The following UPF3B variants were observed in gnomAD, a reference collection of about 807,000 sequenced individuals.
UPF3B encodes UPF3B regulator of nonsense mediated mRNA decay, also known as regulator of nonsense transcripts 3B.
In UPF3B, 7 loss-of-function variants were observed where a neutral mutation model predicts 40.3. The observed-to-expected ratio is 0.17, with a 90% CI of 0.10 to 0.33. UPF3B has a LOEUF of 0.33. Among genes scored for constraint, UPF3B ranks in the 10% least tolerant of loss-of-function variants. The pLI, the probability that UPF3B is intolerant of heterozygous loss-of-function variation, is 1.00. For missense variants in UPF3B, 229 were observed against 358.9 expected (o/e 0.64, Z 2.93); for synonymous variants, 117 against 117.3 (o/e 1.00, Z 0.01).
chrX:119,840,088 T>A (rs933522532), intron 8 of UPF3B, among the ~76,000 whole-genome samples: 4 of 111,678 alleles, frequency 3.6e-5, no homozygotes, highest in African/African-American at 6.5e-5. Flanking sequence ...TCTGTGAGAT[T>A]TTCTTTGACT....
At chrX:119,839,479 AT>A (rs2056137755) in intron 8 of UPF3B, among the ~76,000 whole-genome samples, 1 of 112,587 alleles carries the variant, frequency 8.9e-6, no homozygotes, top group South Asian at 3.6e-4. Context: ...CAAAAATGCC[AT>A]TGTTTTTTAC....
intron 3 of UPF3B, among the ~76,000 whole-genome samples, chrX:119,828,644 C>T (rs971135595): frequency 9.4e-6 from 1 of 106,663 alleles, no homozygotes; most frequent in Non-Finnish European, 1.9e-5. Context: ...TGCACTCCAG[C>T]TTGGGTGACA....
chrX:119,831,805 C>T, downstream of UPF3B: 3 of 534,989 alleles, frequency 5.6e-6, no homozygotes, highest in Non-Finnish European at 6.8e-6. Flanking sequence ...TGCTACTAAG[C>T]TTTTACATGG....
intron 4 of UPF3B, 29 bp from the exon 5 acceptor site, chrX:119,843,330 T>C (rs768469344): frequency 8.6e-5 from 82 of 953,604 alleles, no homozygotes; most frequent in Non-Finnish European, 1.0e-4. Flanking sequence ...AAACAGAAAA[T>C]ATAATAGACT....
intron 4 of UPF3B, among the ~76,000 whole-genome samples, chrX:119,816,993 G>A (rs1157847287): frequency 9.0e-6 from 1 of 110,817 alleles, no homozygotes; most frequent in East Asian, 2.8e-4. Context: ...AATATGTGAC[G>A]TAGTCTCGCT....
rs1216488077 is a variant in UPF3B at position 119,842,106 on chromosome X, G to A, written c.581-328C>T. On this transcript the variant is annotated intron_variant, in intron 5 of 10. Coordinates refer to ENST00000276201, the MANE Select transcript of UPF3B (RefSeq NM_080632.3). Reference sequence around the variant, plus strand: ...TAAACTTGTTCAACTGGAAGAAGTTGGGGGGAAGGGGCTAAAAATATCTAA... The same window carrying A: ...TAAACTTGTTCAACTGGAAGAAGTTAGGGGGAAGGGGCTAAAAATATCTAA... Among the ~76,000 whole-genome samples the A allele has an allele frequency of 4.5e-5, 5 of 111,748 alleles. 1 individual carries two copies. Among genetic ancestry groups the A allele is most frequent in the African/African-American group, 1.3e-4 (4 of 30,748 alleles).
intron 4 of UPF3B, among the ~76,000 whole-genome samples, chrX:119,818,258 C>A (rs1210347624): frequency 9.1e-6 from 1 of 109,652 alleles, no homozygotes; most frequent in South Asian, 3.9e-4. Context: ...GAATGAGACT[C>A]CGTCTTAAAA....
At chrX:119,836,951 G>T (rs1268880651) in intron 10 of UPF3B, among the ~76,000 whole-genome samples, 6 of 87,354 alleles carry the variant, frequency 6.9e-5, no homozygotes, top group African/African-American at 2.5e-4. Flanking sequence ...CGCCCGGCCA[G>T]TTTTTTTTTT....
rs749335472 is a variant in UPF3B, at chrX:119,848,217, G to A, written c.371-2921C>T. Reference sequence around the variant, plus strand: ...GAATTGCTTGAACCCAGGAAGCGGAGGTTGCAGTGAGCTGAGATCGCGCCA... The same window carrying A: ...GAATTGCTTGAACCCAGGAAGCGGAAGTTGCAGTGAGCTGAGATCGCGCCA... On this transcript the variant is annotated intron_variant, in intron 3 of 10. Transcript: ENST00000276201. Among the ~76,000 whole-genome samples the A allele has an allele frequency of 4.9e-5, 5 of 102,513 alleles. No homozygotes were observed. The Admixed American group carries it at 5.3e-4, about 11-fold the overall frequency. The allele number at this position is 102,513 out of a possible 115,157, so 89.0% of individuals were successfully genotyped here. A position where few individuals can be genotyped will look rare whatever the true frequency, so the allele number is the denominator to read the frequency against.
intron 8 of UPF3B, 72 bp from the exon 9 acceptor site, chrX:119,838,599 A>G: frequency 9.4e-7 from 1 of 1,065,002 alleles, no homozygotes; most frequent in Non-Finnish European, 1.3e-6. Flanking sequence ...CCAGTATACC[A>G]AATATTTAAA....
rs1311640312 is a variant in UPF3B, at chrX:119,834,907, T to G, written c.1423A>C (p.Ser475Arg). The G allele has an allele frequency of 1.7e-6, 2 of 1,210,179 alleles. No individual in the cohort carries two copies. Among genetic ancestry groups the G allele is most frequent in the African/African-American group, 3.5e-5 (2 of 57,304 alleles). ...TCCTCTCCTCCTTCTTTTCTATGGCTAATACCACTTTCCTGCTTCCTTTCT... is the reference window on the plus strand; with the variant it reads ...TCCTCTCCTCCTTCTTTTCTATGGCGAATACCACTTTCCTGCTTCCTTTCT... ...AAERKQESGI[S>R]HRKEGGEE The change falls in exon 11 of 11, where the codon AGC (serine) becomes CGC (arginine). Residue 475 changes from serine (S) to arginine (R), a missense_variant. Coordinates refer to ENST00000276201, the MANE Select transcript of UPF3B (RefSeq NM_080632.3).
chrX:119,839,389 A>T (rs1298053196), intron 8 of UPF3B, among the ~76,000 whole-genome samples: 1 of 112,481 alleles, frequency 8.9e-6, no homozygotes, highest in Non-Finnish European at 1.9e-5. Flanking sequence ...TAAAAATCTA[A>T]AGGCCTTATA....
chrX:119,807,053 A>G (rs79412491), intron 6 of UPF3B, among the ~76,000 whole-genome samples: 2,151 of 79,825 alleles, frequency 0.027, 69 homozygotes, highest in African/African-American at 0.14. Context: ...AAAAAAAAAG[A>G]AAAAAAAAAA....
chrX:119,812,757 A>T (rs149505769), intron 5 of UPF3B, among the ~76,000 whole-genome samples: 2,028 of 111,334 alleles, frequency 0.018, 53 homozygotes, highest in African/African-American at 0.061. Flanking sequence ...AATGGCCATG[A>T]CTTCAATGAC....
intron 8 of UPF3B, 51 bp downstream of exon 8, chrX:119,840,595 T>G (rs757496946): frequency 2.7e-6 from 3 of 1,125,492 alleles, no homozygotes; most frequent in Non-Finnish European, 3.7e-6. Context: ...AGCTAAGACC[T>G]GTGTGTGTGA....
At chrX:119,841,883 C>T in intron 5 of UPF3B, 105 bp from the exon 6 acceptor site, 2 of 587,499 alleles carry the variant, frequency 3.4e-6, no homozygotes, top group Non-Finnish European at 5.7e-6. Flanking sequence ...AACATGTACA[C>T]CCCTTATGCA....
At chrX:119,847,200 G>T (rs943120322) in intron 3 of UPF3B, among the ~76,000 whole-genome samples, 2 of 112,066 alleles carry the variant, frequency 1.8e-5, no homozygotes, top group Non-Finnish European at 3.8e-5. Flanking sequence ...GCAGCTGCAT[G>T]GAAAACAGTA....
rs994616579 is a variant in UPF3B at position 119,845,193 on chromosome X, T to C, written c.469+5A>G. ...TAGCATTATATAATTAGAGCTATACTGTACCATCATCGATAGTCCCGACTT... is the reference window on the plus strand; with the variant it reads ...TAGCATTATATAATTAGAGCTATACCGTACCATCATCGATAGTCCCGACTT... On this transcript the variant is annotated splice_donor_5th_base_variant and intron_variant, in intron 4 of 10. Coordinates refer to ENST00000276201, the MANE Select transcript of UPF3B (RefSeq NM_080632.3). 8.4e-7 allele frequency: 1 copy of C among 1,186,297 alleles called. No homozygotes were observed. The highest frequency in any genetic ancestry group is 1.1e-6 in the Non-Finnish European group (1 of 872,439).
chrX:119,833,255 A>C (rs2056055227), downstream of UPF3B, among the ~76,000 whole-genome samples: 1 of 112,702 alleles, frequency 8.9e-6, no homozygotes, highest in Non-Finnish European at 1.9e-5. Context: ...GAAATCAAAC[A>C]TGTATCTGAA....
Sources: gnomAD v4.1 joint callset for allele counts (sites outside exome capture counted in the v4.1 genomes callset) on GRCh38, gnomAD v4.1.1 for gene constraint, MANE v1.5 for transcripts, NCBI Gene and HGNC (gene_info 2026-07-23, HGNC 2026-07-21) for gene names.